C10orf67: variants seen among roughly 807,000 people sequenced by gnomAD.
C10orf67 encodes the protein chromosome 10 open reading frame 67.
In C10orf67, 60 loss-of-function variants were observed where a neutral mutation model predicts 35.6. The ratio of observed to expected loss-of-function variants is 1.68; its 90% CI spans 1.37 to 2.09. The LOEUF is 2.09. Ranked by LOEUF, C10orf67 falls within the 30% of genes most tolerant of loss-of-function variation. The pLI is 0.00. For synonymous variants in C10orf67, 167 were observed against 115.8 expected (o/e 1.44, Z -2.84); for missense variants, 474 against 330.2 (o/e 1.44, Z -3.38).
intron 2 of C10orf67, among the ~76,000 whole-genome samples, chr10:23,331,208 G>C (rs184137533): frequency 0.074 from 2,140 of 28,800 alleles, 79 homozygotes; most frequent in East Asian, 0.12. Flanking sequence ...GGGAAGGGAA[G>C]AGGGAAGGGA....
At chr10:23,313,877 G>C (rs1013193120) in intron 4 of C10orf67, among the ~76,000 whole-genome samples, 2 of 152,090 alleles carry the variant, frequency 1.3e-5, no homozygotes, top group Non-Finnish European at 2.9e-5. Context: ...GGTCAGACTT[G>C]TGTTTTGAAC....
chr10:23,327,824 C>T (rs1188270998), intron 2 of C10orf67, among the ~76,000 whole-genome samples: 3 of 150,392 alleles, frequency 2.0e-5, no homozygotes, highest in African/African-American at 4.9e-5. Flanking sequence ...GACTCCATCT[C>T]GGGGGAGAAA....
chr10:23,235,794 T>C (rs1202275038), intron 13 of C10orf67, among the ~76,000 whole-genome samples: 1 of 152,152 alleles, frequency 6.6e-6, no homozygotes, highest in African/African-American at 2.4e-5. Flanking sequence ...TACAGTGAGA[T>C]AACATTTTAA....
Position 23,234,895 on chromosome 10 carries a change from C to G in C10orf67, c.1434+4834G>C, listed in dbSNP as rs144049256. 2.6e-4 allele frequency among the ~76,000 whole-genome samples: 40 copies of G among 151,170 alleles called. No homozygotes were observed. In the East Asian group the frequency reaches 7.2e-3, roughly 27 times the overall value. On this transcript the variant is annotated intron_variant, in intron 13 of 15. Transcript: ENST00000636213. The stretch of plus-strand genomic sequence containing the variant: ...GGTGTGGTGGTACATGCCCATAATC[C>G]CAGCTACTCGGGAGGCTGAGGCAGG...
intron 13 of C10orf67, among the ~76,000 whole-genome samples, chr10:23,237,578 T>G (rs1842081532): frequency 6.6e-6 from 1 of 152,210 alleles, no homozygotes; most frequent in Non-Finnish European, 1.5e-5. Flanking sequence ...AGAATACTAC[T>G]CAGCATTACA....
chr10:23,223,702 T>C, intron 14 of C10orf67, 42 bp downstream of exon 14: 1 of 717,016 alleles, frequency 1.4e-6, no homozygotes, highest in Non-Finnish European at 2.6e-6. Context: ...TTGAATAATA[T>C]TAACTCAGTA....
At chr10:23,209,638 T>C (rs2131707926) in intron 15 of C10orf67, among the ~76,000 whole-genome samples, 1 of 152,212 alleles carries the variant, frequency 6.6e-6, no homozygotes, top group South Asian at 2.1e-4. Context: ...AGCTTGACTG[T>C]GGTGATCATT....
At chr10:23,338,209 G>A (rs1224855455) in intron 1 of C10orf67, among the ~76,000 whole-genome samples, 2 of 152,206 alleles carry the variant, frequency 1.3e-5, no homozygotes, top group Non-Finnish European at 2.9e-5. Flanking sequence ...ACACTCTGTG[G>A]ATATCGTTCA....
At chr10:23,333,256 T>C (rs1231147214) in intron 1 of C10orf67, 74 bp from the exon 2 acceptor site, 2 of 1,367,526 alleles carry the variant, frequency 1.5e-6, no homozygotes, top group Non-Finnish European at 2.0e-6. Flanking sequence ...TGCGTCTTTT[T>C]TTGTGTAAAT....
At chr10:23,280,451 A>T (rs978136958) in intron 8 of C10orf67, among the ~76,000 whole-genome samples, 4 of 152,188 alleles carry the variant, frequency 2.6e-5, no homozygotes, top group Admixed American at 2.0e-4. Flanking sequence ...CAAGTGAGTA[A>T]CAGAATGCCT....
Position 23,298,148 on chromosome 10 carries a change from G to A in C10orf67, c.702+5156C>T, listed in dbSNP as rs1223400578. Among the ~76,000 whole-genome samples the A allele has an allele frequency of 6.6e-5, 10 of 152,144 alleles. 1 individual carries two copies. The highest frequency in any genetic ancestry group is 4.1e-4 in the South Asian group (2 of 4,826). On this transcript the variant is annotated intron_variant, in intron 5 of 15. Coordinates refer to ENST00000636213, the MANE Select transcript of C10orf67 (RefSeq NM_001371909.1). Reference sequence around the variant, plus strand: ...TGTGCACCTGTAGTCCCAGCTACTCGGGAGGCTGAGGCAGGAGGATGGCAT... The same window carrying A: ...TGTGCACCTGTAGTCCCAGCTACTCAGGAGGCTGAGGCAGGAGGATGGCAT...
intron 8 of C10orf67, among the ~76,000 whole-genome samples, chr10:23,278,263 G>T (rs1340907226): frequency 6.6e-6 from 1 of 152,056 alleles, no homozygotes; most frequent in African/African-American, 2.4e-5. Flanking sequence ...AGACCAAAAA[G>T]GTTGAGAACC....
Position 23,202,954 on chromosome 10 carries a change from C to T in C10orf67, c.*1219G>A, listed in dbSNP as rs1306023407. On this transcript the variant is annotated 3_prime_UTR_variant, in exon 16 of 16. Transcript: ENST00000636213. ...GTTCTGGGAAAGATTCCAGACCTGA[C>T]TCCGATTAACCCTCTCTGGTGAAAC... 2 of 152,206 alleles carry T rather than the reference C, an allele frequency of 1.3e-5. No homozygotes were observed. The highest frequency in any genetic ancestry group is 4.8e-5 in the African/African-American group (2 of 41,450). The allele number at this position is 152,206 out of a possible 1,614,324, so 9.4% of individuals were successfully genotyped here.
intron 12 of C10orf67, among the ~76,000 whole-genome samples, chr10:23,244,144 G>A (rs899484050): frequency 6.6e-6 from 1 of 152,104 alleles, no homozygotes; most frequent in South Asian, 2.1e-4. Context: ...TTCTGCCTTG[G>A]TCTCTCAAAG....
chr10:23,210,594 A>G (rs1219831223), intron 15 of C10orf67, among the ~76,000 whole-genome samples: 1 of 151,976 alleles, frequency 6.6e-6, no homozygotes, highest in Non-Finnish European at 1.5e-5. Context: ...TAATTTTTGT[A>G]TTTTTAGTAG....
In C10orf67 at chr10:23,229,722, T is replaced by C. The variant is rs1361027838; in HGVS notation, c.1435-5904A>G. On this transcript the variant is annotated intron_variant, in intron 13 of 15. Coordinates refer to ENST00000636213, the MANE Select transcript of C10orf67 (RefSeq NM_001371909.1). Reference sequence around the variant, plus strand: ...ACTGATTACAAACTACTTAGAGTAATATGCAAATCATGTAAGTATAATAGC... The same window carrying C: ...ACTGATTACAAACTACTTAGAGTAACATGCAAATCATGTAAGTATAATAGC... Among the ~76,000 whole-genome samples the C allele has an allele frequency of 2.0e-3, 311 of 152,228 alleles. 2 individuals carry two copies. The highest frequency in any genetic ancestry group is 7.1e-3 in the African/African-American group (296 of 41,554).
rs1841064113 is a variant in C10orf67, at chr10:23,203,058, T to A, written c.*1115A>T. 3 of 152,200 alleles carry A rather than the reference T, an allele frequency of 2.0e-5. No homozygotes were observed. In the South Asian group the frequency reaches 6.2e-4, roughly 31 times the overall value. 9.4% of individuals were successfully genotyped at this position (152,200 alleles called of 1,614,324 possible). ...CCAATTCATTTCTAAAGGAGAAAAA[T>A]TCCTTTCTTTAGCCAAACTGATGGG... On this transcript the variant is annotated 3_prime_UTR_variant, in exon 16 of 16. Transcript: ENST00000636213.
chr10:23,218,751 T>C (rs1490588407), intron 15 of C10orf67, among the ~76,000 whole-genome samples: 2 of 152,192 alleles, frequency 1.3e-5, no homozygotes, highest in Non-Finnish European at 2.9e-5. Context: ...CACAATTCAT[T>C]GATTAACTCC....
chr10:23,227,171 C>T (rs1396252133), intron 13 of C10orf67, among the ~76,000 whole-genome samples: 4 of 152,138 alleles, frequency 2.6e-5, no homozygotes, highest in South Asian at 2.1e-4. Flanking sequence ...TGATGAACAT[C>T]GATGCAAAAA....
Sources: allele counts gnomAD v4.1 joint callset (sites outside exome capture counted in the v4.1 genomes callset), GRCh38; gene constraint gnomAD v4.1.1; transcripts MANE v1.5; gene names NCBI Gene and HGNC (gene_info 2026-07-23, HGNC 2026-07-21).